CMKLR2: variants seen among roughly 807,000 people sequenced by gnomAD.
CMKLR2 encodes the protein chemerin chemokine-like receptor 2.
A neutral mutation model predicts 23.0 loss-of-function variants in CMKLR2; 18 were observed. The observed-to-expected ratio is 0.78, with a 90% confidence interval of 0.54 to 1.16. The LOEUF is 1.16. Ranked by LOEUF, CMKLR2 falls within the 50% of genes most tolerant of loss-of-function variation. The probability of loss-of-function intolerance (pLI) is 0.00; values close to 1 mark genes in which losing one functional copy is unlikely to be tolerated. For missense variants in CMKLR2, 401 were observed against 412.7 expected (o/e 0.97, Z 0.25); for synonymous variants, 158 against 158.9 (o/e 0.99, Z 0.05).
upstream of CMKLR2, among the ~76,000 whole-genome samples, chr2:206,215,716 C>T (rs1304643195): frequency 4.6e-5 from 7 of 152,214 alleles, no homozygotes; most frequent in African/African-American, 1.4e-4. Flanking sequence ...CACCCTAAGG[C>T]ATGACTTGCA....
chr2:206,177,060 G>A lies in CMKLR2; in HGVS notation c.188C>T (p.Thr63Met), dbSNP rs368825572. 6.6e-5 allele frequency: 107 copies of A among 1,614,180 alleles called. 1 individual carries two copies. Among genetic ancestry groups the A allele is most frequent in the South Asian group, 5.3e-4 (48 of 91,090 alleles). ...GACTGTCTTCTTCCACTTGAACCCC[G>A]TGAACCAAATGACGATGGCATTTCC... is the stretch of plus-strand genomic sequence containing the variant. ...IPGNAIVIWFTGFKWKKTVTT... is the reference protein window; with the variant it reads ...IPGNAIVIWFMGFKWKKTVTT... The change falls in exon 2 of 2, where the codon ACG (threonine) becomes ATG (methionine). Residue 63 changes from threonine to methionine, a missense_variant. Thr to Met is a moderately conservative substitution (Grantham distance 81). Transcript: ENST00000621141.
intron 1 of CMKLR2, among the ~76,000 whole-genome samples, chr2:206,179,464 C>T (rs540522909): frequency 6.7e-6 from 1 of 149,014 alleles, no homozygotes; most frequent in East Asian, 2.0e-4. Flanking sequence ...GCAACCTCCA[C>T]CTCCCGGGTT....
chr2:206,179,541 G>A (rs982716294), intron 1 of CMKLR2, among the ~76,000 whole-genome samples: 3 of 151,454 alleles, frequency 2.0e-5, no homozygotes. Flanking sequence ...ATGTTGGCCA[G>A]GATGGTCTCG....
At position 206,202,792 on chromosome 2, in the gene CMKLR2, C is replaced by T. The variant is rs150985165; in HGVS notation, c.-29+10515G>A. 4.3e-3 allele frequency among the ~76,000 whole-genome samples: 655 copies of T among 152,168 alleles called. 4 individuals carry two copies. The highest frequency in any genetic ancestry group is 0.015 in the African/African-American group (620 of 41,538). On this transcript the variant is annotated intron_variant, in intron 1 of 1. Transcript: ENST00000621141. ...TACAAAAGAGGAGAACTCTGCTCCT[C>T]TCAGTGTCTCGGTACACGTGGCACT...
intron 1 of CMKLR2, among the ~76,000 whole-genome samples, chr2:206,197,869 C>G (rs938432262): frequency 6.6e-6 from 1 of 152,112 alleles, no homozygotes; most frequent in Non-Finnish European, 1.5e-5. Flanking sequence ...TCAAAACTGC[C>G]ATCACTTTTT....
At chr2:206,181,948 C>G (rs1157683832) in intron 1 of CMKLR2, among the ~76,000 whole-genome samples, 1 of 97,600 alleles carries the variant, frequency 1.0e-5, no homozygotes, top group Non-Finnish European at 2.1e-5. Context: ...CAAAACTCCA[C>G]CTCAAAAAAA....
intron 1 of CMKLR2, among the ~76,000 whole-genome samples, chr2:206,189,593 C>A (rs146666856): frequency 6.6e-6 from 1 of 151,378 alleles, no homozygotes; most frequent in Admixed American, 6.6e-5. Context: ...AAAGATGGTG[C>A]CACTGCACTC....
intron 1 of CMKLR2, among the ~76,000 whole-genome samples, chr2:206,185,973 A>C (rs1688564419): frequency 6.6e-6 from 1 of 152,130 alleles, no homozygotes; most frequent in South Asian, 2.1e-4. Flanking sequence ...CACAAAAAGA[A>C]GTTTGGACCC....
chr2:206,190,078 G>A (rs547524996), intron 1 of CMKLR2, among the ~76,000 whole-genome samples: 6 of 152,234 alleles, frequency 3.9e-5, no homozygotes, highest in Middle Eastern at 3.4e-3. Context: ...CAGTTGGGAG[G>A]TGGTAGAACA....
chr2:206,176,074 A>G lies in CMKLR2; in HGVS notation c.*106T>C. 1 of 779,120 alleles carries G rather than the reference A, an allele frequency of 1.3e-6. No homozygotes were observed. Among genetic ancestry groups the G allele is most frequent in the Non-Finnish European group, 2.0e-6 (1 of 495,034 alleles). 48.3% of individuals were successfully genotyped at this position (779,120 alleles called of 1,614,324 possible). ...TATATAGTGACCAGAAACAATAACTATGAAAGTGGAGTCGGCTCTCTATCT... is the reference window on the plus strand; with the variant it reads ...TATATAGTGACCAGAAACAATAACTGTGAAAGTGGAGTCGGCTCTCTATCT... On this transcript the variant is annotated 3_prime_UTR_variant, in exon 2 of 2. Transcript: ENST00000621141.
upstream of CMKLR2, among the ~76,000 whole-genome samples, chr2:206,215,038 T>TC (rs1191568134): frequency 6.6e-6 from 1 of 152,122 alleles, no homozygotes; most frequent in African/African-American, 2.4e-5. Context: ...TTTGTTTTTT[T>TC]CCGCTGTTAA....
chr2:206,206,105 G>GA (rs1689307699), intron 1 of CMKLR2, among the ~76,000 whole-genome samples: 1 of 152,128 alleles, frequency 6.6e-6, no homozygotes, highest in African/African-American at 2.4e-5. Context: ...AGATCATAGA[G>GA]AAACACCATA....
chr2:206,181,216 C>T (rs1414637358), intron 1 of CMKLR2, among the ~76,000 whole-genome samples: 2 of 152,008 alleles, frequency 1.3e-5, no homozygotes, highest in Non-Finnish European at 2.9e-5. Context: ...TGCCACCATG[C>T]TGGCTAATTT....
chr2:206,206,565 C>T (rs1689323794), intron 1 of CMKLR2, among the ~76,000 whole-genome samples: 1 of 152,214 alleles, frequency 6.6e-6, no homozygotes, highest in Non-Finnish European at 1.5e-5. Flanking sequence ...TTCCCTGCCT[C>T]CAAAAACCTA....
intron 1 of CMKLR2, among the ~76,000 whole-genome samples, chr2:206,209,633 G>A (rs1183952924): frequency 7.1e-6 from 1 of 141,046 alleles, no homozygotes; most frequent in Non-Finnish European, 1.5e-5. Flanking sequence ...GCCGTGTTTG[G>A]TTTTCTTTTC....
rs749401195 is a variant in CMKLR2, at chr2:206,177,222, A to T, written c.26T>A (p.Phe9Tyr). The change falls in exon 2 of 2, where the codon TTT becomes TAT. Residue 9 changes from phenylalanine to tyrosine, a missense_variant. Coordinates refer to ENST00000621141, the MANE Select transcript of CMKLR2 (RefSeq NM_001389445.1). ...ATAGGAATAGTTTTCAAATTCTTCA[A>T]ATAATGTTTCCTCCAAATCTTCCAT... Reference protein sequence around the residue: MEDLEETLFEEFENYSYDL... With the variant: MEDLEETLYEEFENYSYDL... 6.2e-7 allele frequency: 1 copy of T among 1,605,080 alleles called. No individual in the cohort carries two copies. The highest frequency in any genetic ancestry group is 1.7e-5 in the Admixed American group (1 of 58,998).
upstream of CMKLR2, among the ~76,000 whole-genome samples, chr2:206,215,031 G>GC (rs537980086): frequency 8.3e-4 from 126 of 152,142 alleles, no homozygotes; most frequent in Non-Finnish European, 4.0e-4. Context: ...ACAGGATTTT[G>GC]TTTTTTTCCG....
At chr2:206,205,543 T>C (rs915218180) in intron 1 of CMKLR2, among the ~76,000 whole-genome samples, 1 of 150,912 alleles carries the variant, frequency 6.6e-6, no homozygotes. Flanking sequence ...TTTTTTTTTT[T>C]AAATTTGGGG....
upstream of CMKLR2, among the ~76,000 whole-genome samples, chr2:206,214,942 A>G (rs183615803): frequency 1.1e-4 from 16 of 152,086 alleles, no homozygotes; most frequent in East Asian, 2.5e-3. Flanking sequence ...TTATTTTTGT[A>G]TGGTCTAACT....
Sources: gnomAD v4.1 joint callset for allele counts (sites outside exome capture counted in the v4.1 genomes callset) on GRCh38, gnomAD v4.1.1 for gene constraint, MANE v1.5 for transcripts, NCBI Gene and HGNC (gene_info 2026-07-23, HGNC 2026-07-21) for gene names.